The following SPAG9 variants were observed in gnomAD, a reference collection of about 807,000 sequenced individuals.
SPAG9 encodes sperm associated antigen 9.
Under a neutral mutation model 166.5 loss-of-function variants are expected in SPAG9, and 35 were observed. The observed-to-expected ratio is 0.21, with a 90% CI of 0.16 to 0.28. The LOEUF (loss-of-function observed/expected upper bound fraction) is 0.28, where lower values mean the gene tolerates loss of function less well. Among genes scored for constraint, SPAG9 ranks in the 10% least tolerant of loss-of-function variants. The pLI, the probability that SPAG9 is intolerant of heterozygous loss-of-function variation, is 1.00. For synonymous variants in SPAG9, 534 were observed against 565.5 expected, an observed-to-expected ratio of 0.94 and a Z score of 0.79; for missense variants, 1,235 against 1,603.3, an observed-to-expected ratio of 0.77 and a Z score of 3.92.
At chr17:51,065,932 C>G (rs2047649977) in intron 2 of SPAG9, among the ~76,000 whole-genome samples, 1 of 152,136 alleles carries the variant, frequency 6.6e-6, no homozygotes. Flanking sequence ...CTGAAACATC[C>G]ACTTTTTAAA....
chr17:51,093,439 A>T (rs1384635529), intron 1 of SPAG9, among the ~76,000 whole-genome samples: 3 of 152,090 alleles, frequency 2.0e-5, no homozygotes, highest in African/African-American at 7.2e-5. Context: ...ATGGTGGCTC[A>T]CGCCTGTAAT....
intron 1 of SPAG9, among the ~76,000 whole-genome samples, chr17:51,108,386 CAAAA>C (rs71355710): frequency 0.015 from 1,774 of 119,298 alleles, 13 homozygotes; most frequent in Admixed American, 0.02. Flanking sequence ...AAGACTGTCT[CAAAA>C]AAAAAAAAAA....
At chr17:51,099,689 G>C (rs147342262) in intron 1 of SPAG9, among the ~76,000 whole-genome samples, 16 of 124,696 alleles carry the variant, frequency 1.3e-4, no homozygotes, top group African/African-American at 4.5e-4. Context: ...TTAATTTACA[G>C]ATCTTCAATC....
At chr17:51,039,796 CT>C (rs561303000) in intron 5 of SPAG9, among the ~76,000 whole-genome samples, 1 of 151,924 alleles carries the variant, frequency 6.6e-6, no homozygotes, top group Admixed American at 6.6e-5. Context: ...ATATGGGATA[CT>C]TTTTTTTGTA....
At chr17:51,078,311 G>A (rs2048071956) in intron 2 of SPAG9, among the ~76,000 whole-genome samples, 1 of 152,126 alleles carries the variant, frequency 6.6e-6, no homozygotes, top group Non-Finnish European at 1.5e-5. Context: ...TTGAATTCTA[G>A]AATGCTTGAA....
chr17:51,095,296 TAAAAAAAAA>T (rs71149343), intron 1 of SPAG9, among the ~76,000 whole-genome samples: 1 of 83,474 alleles, frequency 1.2e-5, no homozygotes, highest in Non-Finnish European at 2.2e-5. Context: ...ACTCCATCTT[TAAAAAAAAA>T]AAAAAAAAAA....
At position 50,979,863 on chromosome 17, in the gene SPAG9, C is replaced by T. The variant is rs1388547083; in HGVS notation, c.3292G>A (p.Val1098Met). Residue 1098 changes from valine to methionine, a missense_variant, in exon 26 of 30, where the codon GTG becomes ATG. Physicochemically the swap from Val to Met is conservative, Grantham distance 21 (BLOSUM62 1). Around this residue, in one of 6 missense-constraint regions of SPAG9, gnomAD observed 243 missense variants for 358.6 expected, o/e 0.68. Transcript: ENST00000262013. Reference sequence around the variant, plus strand: ...ATGGAGACCCACACGCCATCCCCCACCCACGCAAGCTGTCGCACTTGGCTC... The same window carrying T: ...ATGGAGACCCACACGCCATCCCCCATCCACGCAAGCTGTCGCACTTGGCTC... Reference protein sequence around the residue: ...KESQVRQLAWVGDGVWVSIRL... With the variant: ...KESQVRQLAWMGDGVWVSIRL... 1.2e-6 allele frequency: 2 copies of T among 1,614,194 alleles called. No individual in the cohort carries two copies. The highest frequency in any genetic ancestry group is 2.2e-5 in the East Asian group (1 of 44,890).
At chr17:51,093,270 GAA>G (rs984780144) in intron 1 of SPAG9, among the ~76,000 whole-genome samples, 1 of 151,680 alleles carries the variant, frequency 6.6e-6, no homozygotes, top group African/African-American at 2.4e-5. Flanking sequence ...TGTTTAATAT[GAA>G]AAAAGTTTGT....
Position 50,965,537 on chromosome 17 carries a change from C to T in SPAG9, c.*735G>A, listed in dbSNP as rs1973317169. The stretch of plus-strand genomic sequence containing the variant: ...CTTTATAAATAATAAATCTTTCAGA[C>T]ATGTCAGTATGAAAATGAGACTGGT... On this transcript the variant is annotated 3_prime_UTR_variant, in exon 30 of 30. Coordinates refer to ENST00000262013, the MANE Select transcript of SPAG9 (RefSeq NM_001130528.3). The T allele has an allele frequency of 1.3e-5, 2 of 152,090 alleles. No individual in the cohort carries two copies. The highest frequency in any genetic ancestry group is 1.3e-4 in the Admixed American group (2 of 15,268). The allele number at this position is 152,090 out of a possible 1,614,324, so 9.4% of individuals were successfully genotyped here. A position where few individuals can be genotyped will look rare whatever the true frequency, so the allele number is the denominator to read the frequency against.
chr17:51,095,521 C>A (rs796913930), intron 1 of SPAG9, among the ~76,000 whole-genome samples: 49 of 148,760 alleles, frequency 3.3e-4, no homozygotes, highest in Non-Finnish European at 1.2e-4. Context: ...CATGGTGGTG[C>A]GCACCTGTAG....
intron 9 of SPAG9, among the ~76,000 whole-genome samples, chr17:51,011,957 A>G (rs1337029296): frequency 6.6e-6 from 1 of 152,216 alleles, no homozygotes; most frequent in Non-Finnish European, 1.5e-5. Flanking sequence ...GTTTGGGGCC[A>G]CCAACCTTAA....
chr17:51,082,358 C>A (rs1036056902), intron 1 of SPAG9, among the ~76,000 whole-genome samples: 1 of 107,340 alleles, frequency 9.3e-6, no homozygotes, highest in Non-Finnish European at 1.7e-5. Flanking sequence ...CTGGCCTGGG[C>A]AACAGAGCAA....
chr17:51,037,504 T>C (rs2046634954), intron 5 of SPAG9, among the ~76,000 whole-genome samples: 1 of 150,304 alleles, frequency 6.7e-6, no homozygotes. Flanking sequence ...TCCCAGCTAC[T>C]TGGAAGGCTG....
Position 51,008,628 on chromosome 17 carries a change from C to T in SPAG9, c.1214-1302G>A, listed in dbSNP as rs188508951. ...AGCCAACCTAGGAATGCTACATATT[C>T]TGTGTACCTGGACTCATATTTTGTC... On this transcript the variant is annotated intron_variant, in intron 9 of 29. Transcript: ENST00000262013. 1.6e-4 allele frequency among the ~76,000 whole-genome samples: 24 copies of T among 152,164 alleles called. No individual in the cohort carries two copies. The East Asian group carries it at 3.5e-3, about 22-fold the overall frequency.
chr17:50,975,888 G>C (rs1248999647), intron 27 of SPAG9: 1 of 1,535,678 alleles, frequency 6.5e-7, no homozygotes, highest in South Asian at 1.2e-5. Flanking sequence ...AACGTCCCTG[G>C]TGGAGGATTA....
intron 1 of SPAG9, among the ~76,000 whole-genome samples, chr17:51,085,806 T>C (rs2048289131): frequency 6.6e-6 from 1 of 152,126 alleles, no homozygotes; most frequent in South Asian, 2.1e-4. Context: ...AAACAGATCT[T>C]ATACCCAGAA....
chr17:50,998,885 TTAAA>T (rs2044800268), intron 14 of SPAG9, among the ~76,000 whole-genome samples: 1 of 152,238 alleles, frequency 6.6e-6, no homozygotes, highest in Admixed American at 6.5e-5. Context: ...CAAGAAGCTC[TTAAA>T]TAGAGGAAAC....
rs1360778600 is a variant in SPAG9, at chr17:51,005,213, T to A, written c.1475A>T (p.Asp492Val). ...AAAAGTCCAAAATTGTAAACCTACATCATCGTCATCTTTTGCTTTTTGCCT... is the reference window on the plus strand; with the variant it reads ...AAAAGTCCAAAATTGTAAACCTACAACATCGTCATCTTTTGCTTTTTGCCT... The part of the protein sequence containing the change: ...DARQKAKDDD[D>V]SDIPTAQRKR... Residue 492 changes from aspartate (D) to valine (V), a missense_variant and splice_region_variant, in exon 12 of 30, where the codon GAT (aspartate) becomes GTT (valine). Coordinates refer to ENST00000262013, the MANE Select transcript of SPAG9 (RefSeq NM_001130528.3). 6.2e-7 allele frequency: 1 copy of A among 1,613,934 alleles called. No homozygotes were observed.
chr17:51,014,854 G>GTT (rs940707790), intron 8 of SPAG9, among the ~76,000 whole-genome samples: 3 of 145,376 alleles, frequency 2.1e-5, no homozygotes, highest in Admixed American at 1.4e-4. Context: ...TGATACAAAG[G>GTT]TTTTTTTTTT....
Sources: allele counts gnomAD v4.1 joint callset (sites outside exome capture counted in the v4.1 genomes callset), GRCh38; gene constraint gnomAD v4.1.1; regional missense constraint gnomAD v4.1.1; transcripts MANE v1.5; gene names NCBI Gene and HGNC (gene_info 2026-07-23, HGNC 2026-07-21).